LRP1B: variants seen among roughly 807,000 people sequenced by gnomAD.
The protein encoded by LRP1B is LDL receptor related protein 1B, also known as low-density lipoprotein receptor-related protein 1B.
A neutral mutation model predicts 556.6 loss-of-function variants in LRP1B; 217 were observed. The observed-to-expected ratio is 0.39, with a 90% CI of 0.35 to 0.44. LRP1B has a LOEUF of 0.44. LRP1B is among the 20% of genes least tolerant of loss of function. The pLI, the probability that LRP1B is intolerant of heterozygous loss-of-function variation, is 1.00. For synonymous variants in LRP1B, 2,047 were observed against 1,865.8 expected (o/e 1.10, Z -2.50); for missense variants, 5,053 against 5,620.8 (o/e 0.90, Z 3.23).
Position 140,356,493 on chromosome 2 carries a change from T to C in LRP1B, c.11396-17A>G, listed in dbSNP as rs1020631352. 1.3e-6 allele frequency: 2 copies of C among 1,553,310 alleles called. No homozygotes were observed. Among genetic ancestry groups the C allele is most frequent in the Non-Finnish European group, 8.8e-7 (1 of 1,138,276 alleles). On this transcript the variant is annotated splice_polypyrimidine_tract_variant and intron_variant, in intron 74 of 90. Coordinates refer to ENST00000389484, the MANE Select transcript of LRP1B (RefSeq NM_018557.3). ...CAGTAGGAGCTGGGATTTAAAAATATGATCAAAACTAATATAATTCTAATT... is the reference window on the plus strand; with the variant it reads ...CAGTAGGAGCTGGGATTTAAAAATACGATCAAAACTAATATAATTCTAATT...
chr2:142,022,383 T>C (rs1016864279), intron 1 of LRP1B, among the ~76,000 whole-genome samples: 4 of 140,986 alleles, frequency 2.8e-5, no homozygotes, highest in African/African-American at 1.1e-4. Context: ...AAACACTTTA[T>C]TATTATTATT....
At chr2:141,571,624 A>G (rs904018246) in intron 2 of LRP1B, among the ~76,000 whole-genome samples, 1 of 152,146 alleles carries the variant, frequency 6.6e-6, no homozygotes, top group Non-Finnish European at 1.5e-5. Flanking sequence ...TGGGTAATCA[A>G]AAACTATGTT....
intron 83 of LRP1B, among the ~76,000 whole-genome samples, chr2:140,302,197 A>G (rs1683860636): frequency 6.6e-6 from 1 of 152,070 alleles, no homozygotes. Context: ...TTCTGGTGAT[A>G]TTACCCAATT....
intron 1 of LRP1B, among the ~76,000 whole-genome samples, chr2:141,865,650 A>T (rs956974060): frequency 6.6e-6 from 1 of 152,138 alleles, no homozygotes; most frequent in African/African-American, 2.4e-5. Context: ...GATCCAAACA[A>T]GAGGGTAGAA....
rs1477665230 is a variant in LRP1B at position 140,578,081 on chromosome 2, A to G, written c.7194+20550T>C. Among the ~76,000 whole-genome samples, 3 of 152,310 alleles carry G rather than the reference A, an allele frequency of 2.0e-5. No individual in the cohort carries two copies. In the East Asian group the frequency reaches 5.8e-4, roughly 29 times the overall value. ...TAAATGTTCATGATGCATATTTCTA[A>G]CTTCTGATGTGTTCTTTGAAAATTA... On this transcript the variant is annotated intron_variant, in intron 43 of 90. Transcript: ENST00000389484.
intron 43 of LRP1B, among the ~76,000 whole-genome samples, chr2:140,591,074 G>T (rs1682203978): frequency 6.6e-6 from 1 of 152,016 alleles, no homozygotes; most frequent in South Asian, 2.1e-4. Context: ...AGTTATTAAG[G>T]TCTGATTATA....
At chr2:141,060,051 GT>G (rs1453523636) in intron 8 of LRP1B, among the ~76,000 whole-genome samples, 1 of 151,708 alleles carries the variant, frequency 6.6e-6, no homozygotes, top group African/African-American at 2.4e-5. Context: ...AGTATGTGCG[GT>G]TTGATTATAA....
intron 1 of LRP1B, among the ~76,000 whole-genome samples, chr2:142,129,746 G>T (rs889943588): frequency 2.0e-5 from 3 of 151,894 alleles, no homozygotes; most frequent in Non-Finnish European, 4.4e-5. Context: ...CAAGGCCAGG[G>T]CCAGTGCCCC....
At chr2:141,272,844 A>T (rs1055214178) in intron 3 of LRP1B, among the ~76,000 whole-genome samples, 16 of 152,210 alleles carry the variant, frequency 1.1e-4, no homozygotes, top group Non-Finnish European at 1.8e-4. Context: ...AATTGCAGGG[A>T]AATATAGAGA....
intron 2 of LRP1B, among the ~76,000 whole-genome samples, chr2:141,744,711 T>C (rs1193798668): frequency 1.3e-5 from 2 of 152,154 alleles, no homozygotes; most frequent in East Asian, 1.9e-4. Context: ...TTTAGTTCGT[T>C]TGGTGAGGTC....
chr2:141,379,236 A>C (rs191053261), intron 3 of LRP1B, among the ~76,000 whole-genome samples: 432 of 152,318 alleles, frequency 2.8e-3, no homozygotes, highest in African/African-American at 0.01. Context: ...AAATTTAAAA[A>C]TCTGCAAACA....
At chr2:141,877,698 A>T (rs1421156453) in intron 1 of LRP1B, among the ~76,000 whole-genome samples, 2 of 151,974 alleles carry the variant, frequency 1.3e-5, no homozygotes, top group African/African-American at 4.8e-5. Context: ...TAATACTCAA[A>T]CTGATGTATA....
chr2:141,485,032 G>C (rs561226543), intron 2 of LRP1B, among the ~76,000 whole-genome samples: 17 of 152,186 alleles, frequency 1.1e-4, no homozygotes, highest in African/African-American at 3.1e-4. Flanking sequence ...GAGAGGCTCA[G>C]CTACTTATAA....
At chr2:141,708,077 G>T (rs1056497893) in intron 2 of LRP1B, among the ~76,000 whole-genome samples, 1 of 151,998 alleles carries the variant, frequency 6.6e-6, no homozygotes, top group Non-Finnish European at 1.5e-5. Context: ...AAAATGATGG[G>T]GAGTAAAGGA....
chr2:140,799,183 C>G (rs1690419794), intron 32 of LRP1B, among the ~76,000 whole-genome samples: 1 of 152,220 alleles, frequency 6.6e-6, no homozygotes, highest in African/African-American at 2.4e-5. Flanking sequence ...CTTACTTCTG[C>G]TATGAACTGA....
At chr2:141,794,598 A>C (rs947594408) in intron 2 of LRP1B, among the ~76,000 whole-genome samples, 3 of 152,036 alleles carry the variant, frequency 2.0e-5, no homozygotes, top group African/African-American at 7.2e-5. Flanking sequence ...TATGTGATAT[A>C]TATAAGAACA....
chr2:141,332,777 A>C (rs1374448752), intron 3 of LRP1B, among the ~76,000 whole-genome samples: 1 of 149,058 alleles, frequency 6.7e-6, no homozygotes, highest in Admixed American at 6.7e-5. Flanking sequence ...TTCCCCTTGA[A>C]AGTCTTTTTG....
intron 42 of LRP1B, among the ~76,000 whole-genome samples, chr2:140,601,084 GCAAA>G (rs764301682): frequency 4.1e-5 from 3 of 73,918 alleles, no homozygotes; most frequent in Non-Finnish European, 5.9e-5. Flanking sequence ...TGATTAAAAT[GCAAA>G]AAAAAAAAAA....
chr2:141,129,158 C>A (rs1701288291), intron 7 of LRP1B, among the ~76,000 whole-genome samples: 1 of 151,974 alleles, frequency 6.6e-6, no homozygotes, highest in African/African-American at 2.4e-5. Context: ...TAGCCACAAT[C>A]AAAAACACAC....
Sources: allele counts gnomAD v4.1 joint callset (sites outside exome capture counted in the v4.1 genomes callset), GRCh38; gene constraint gnomAD v4.1.1; transcripts MANE v1.5; gene names NCBI Gene and HGNC (gene_info 2026-07-23, HGNC 2026-07-21).